GABRA6: variants seen among roughly 807,000 people sequenced by gnomAD.
GABRA6 encodes gamma-aminobutyric acid receptor subunit alpha-6.
A neutral mutation model predicts 47.3 loss-of-function variants in GABRA6; 45 were observed. That is an observed-to-expected ratio of 0.95 (90% CI 0.75 to 1.22). The LOEUF is 1.22. Ranked by LOEUF, GABRA6 falls within the 50% of genes most tolerant of loss-of-function variation. The pLI is 0.00. For synonymous variants in GABRA6, 219 were observed against 194.7 expected, an observed-to-expected ratio of 1.12 and a Z score of -1.04; for missense variants, 583 against 549.3, an observed-to-expected ratio of 1.06 and a Z score of -0.61.
chr5:161,700,840 AG>A (rs1561727893), intron 8 of GABRA6, among the ~76,000 whole-genome samples: 1 of 152,226 alleles, frequency 6.6e-6, no homozygotes, highest in African/African-American at 2.4e-5. Flanking sequence ...TGTACAATAT[AG>A]AAATTCTGAG....
intron 8 of GABRA6, among the ~76,000 whole-genome samples, chr5:161,699,001 T>C (rs947648595): frequency 6.6e-6 from 1 of 152,218 alleles, no homozygotes; most frequent in African/African-American, 2.4e-5. Context: ...TCATTCAGTC[T>C]TTTGTGACAT....
At chr5:161,686,157 G>A in intron 1 of GABRA6, 73 bp from the exon 2 acceptor site, 2 of 1,386,372 alleles carry the variant, frequency 1.4e-6, no homozygotes, top group South Asian at 1.2e-5. Context: ...TTGTAACAGG[G>A]TGGAATAGAG....
chr5:161,700,858 G>T (rs1754966681), intron 8 of GABRA6, among the ~76,000 whole-genome samples: 1 of 152,192 alleles, frequency 6.6e-6, no homozygotes, highest in African/African-American at 2.4e-5. Flanking sequence ...TGAGCTAAGA[G>T]GCAGCTATAT....
intron 3 of GABRA6, chr5:161,687,601 A>C: frequency 2.2e-6 from 1 of 451,086 alleles, no homozygotes; most frequent in Non-Finnish European, 4.4e-6. Flanking sequence ...TTTTAGAACA[A>C]AGTGTATCAT....
chr5:161,685,921 C>A lies in GABRA6; in HGVS notation c.-69C>A. On this transcript the variant is annotated 5_prime_UTR_variant, in exon 1 of 9. Coordinates refer to ENST00000274545, the MANE Select transcript of GABRA6 (RefSeq NM_000811.3). Reference sequence around the variant, plus strand: ...TTGAAAGATTTCTCCAGTTGATTGGCAGAGAAGAGCTGGCTAGCAGGGAGG... The same window carrying A: ...TTGAAAGATTTCTCCAGTTGATTGGAAGAGAAGAGCTGGCTAGCAGGGAGG... 1 of 1,227,698 alleles carries A rather than the reference C, an allele frequency of 8.1e-7. No homozygotes were observed. The highest frequency in any genetic ancestry group is 1.2e-6 in the Non-Finnish European group (1 of 826,002). 76.1% of individuals were successfully genotyped at this position (1,227,698 alleles called of 1,614,324 possible).
At chr5:161,695,241 TC>T (rs1313144145) in intron 8 of GABRA6, among the ~76,000 whole-genome samples, 1 of 152,168 alleles carries the variant, frequency 6.6e-6, no homozygotes. Context: ...ATGGAGAAAC[TC>T]AAGCATTTAA....
rs1754684364 is a variant in GABRA6 at position 161,685,984 on chromosome 5, T to C, written c.-6T>C. On this transcript the variant is annotated 5_prime_UTR_variant, in exon 1 of 9. Coordinates refer to ENST00000274545, the MANE Select transcript of GABRA6 (RefSeq NM_000811.3). ...GGGTGAATTCTGCATTTCAGTGCACTGCAGGATGGCGTCGTCTCTGCCCTG... is the reference window on the plus strand; with the variant it reads ...GGGTGAATTCTGCATTTCAGTGCACCGCAGGATGGCGTCGTCTCTGCCCTG... 4 of 1,613,306 alleles carry C rather than the reference T, an allele frequency of 2.5e-6. No individual in the cohort carries two copies. Among genetic ancestry groups the C allele is most frequent in the Non-Finnish European group, 3.4e-6 (4 of 1,179,314 alleles).
rs942531190 is a variant in GABRA6 at position 161,697,904 on chromosome 5, G to A, written c.1087-3594G>A. 6.6e-5 allele frequency among the ~76,000 whole-genome samples: 10 copies of A among 152,152 alleles called. 1 individual carries two copies. The highest frequency in any genetic ancestry group is 1.9e-4 in the African/African-American group (8 of 41,430). On this transcript the variant is annotated intron_variant, in intron 8 of 8. Coordinates refer to ENST00000274545, the MANE Select transcript of GABRA6 (RefSeq NM_000811.3). ...CTCATCTATCAAATGAAGATAATAT[G>A]ACATTGTGGATTTTTTGAAGAAATT...
chr5:161,693,988 T>C (rs1561726109), intron 8 of GABRA6, among the ~76,000 whole-genome samples: 1 of 152,168 alleles, frequency 6.6e-6, no homozygotes, highest in Non-Finnish European at 1.5e-5. Context: ...AATTCTTCCT[T>C]TGACTTAATA....
intron 6 of GABRA6, 36 bp from the exon 7 acceptor site, chr5:161,690,165 A>G: frequency 1.3e-6 from 2 of 1,596,486 alleles, no homozygotes; most frequent in Non-Finnish European, 1.7e-6. Context: ...GCAGACTGTC[A>G]GCAGTAATAA....
Position 161,702,487 on chromosome 5 carries a change from G to GA in GABRA6, c.*720dup, listed in dbSNP as rs1437311317. On this transcript the variant is annotated 3_prime_UTR_variant, in exon 9 of 9. Transcript: ENST00000274545. ...CTTACCATAATTCTATGAGGTTGTA[G>GA]AAAAAAGTACTCATTATAAGGAAGC... The GA allele has an allele frequency of 1.3e-5, 2 of 152,062 alleles. No individual in the cohort carries two copies. Among genetic ancestry groups the GA allele is most frequent in the Non-Finnish European group, 2.9e-5 (2 of 67,996 alleles). 9.4% of individuals were successfully genotyped at this position (152,062 alleles called of 1,614,324 possible).
intron 7 of GABRA6, among the ~76,000 whole-genome samples, chr5:161,690,852 A>C (rs1383563022): frequency 6.6e-6 from 1 of 152,160 alleles, no homozygotes; most frequent in East Asian, 1.9e-4. Context: ...AATAAGAAAA[A>C]GAGCTTCAAC....
intron 8 of GABRA6, among the ~76,000 whole-genome samples, chr5:161,693,482 T>A (rs930860893): frequency 2.0e-5 from 3 of 152,108 alleles, no homozygotes; most frequent in Admixed American, 1.3e-4. Context: ...AAAATATTAG[T>A]TTCTAGTTGG....
In GABRA6 at chr5:161,690,236, C is replaced by A; in HGVS notation, c.709C>A (p.Gln237Lys). 6.2e-7 allele frequency: 1 copy of A among 1,613,642 alleles called. No homozygotes were observed. The highest frequency in any genetic ancestry group is 8.5e-7 in the Non-Finnish European group (1 of 1,179,640). Residue 237 changes from glutamine (Q) to lysine (K), a missense_variant, in exon 7 of 9, where the codon CAA becomes AAA. Transcript: ENST00000274545. ...TATAATGACAGTTTACTTCCACTTGCAAAGGAAGATGGGCTACTTCATGAT... is the reference window on the plus strand; with the variant it reads ...TATAATGACAGTTTACTTCCACTTGAAAAGGAAGATGGGCTACTTCATGAT... The part of the protein sequence containing the change: ...YVIMTVYFHL[Q>K]RKMGYFMIQI...
chr5:161,691,245 G>A (rs1754781904), intron 7 of GABRA6, among the ~76,000 whole-genome samples: 1 of 148,040 alleles, frequency 6.8e-6, no homozygotes, highest in East Asian at 2.0e-4. Flanking sequence ...TATGTTAGCT[G>A]GTAAAATTGG....
At chr5:161,689,899 G>A (rs1482010674) in intron 6 of GABRA6, 120 bp downstream of exon 6, 1 of 1,008,620 alleles carries the variant, frequency 9.9e-7, no homozygotes, top group African/African-American at 1.6e-5. Flanking sequence ...CTGTTTTGCA[G>A]TGATGAGTAG....
At position 161,686,357 on chromosome 5, in the gene GABRA6, C is replaced by T; in HGVS notation, c.157+9C>T. On this transcript the variant is annotated intron_variant, in intron 2 of 8. Coordinates refer to ENST00000274545, the MANE Select transcript of GABRA6 (RefSeq NM_000811.3). ...GCGGCCGGGATTTGGAGGTAAGAAG[C>T]TGCATCTTTGCTACACAAACACCTG... 6.3e-7 allele frequency: 1 copy of T among 1,594,222 alleles called. No homozygotes were observed. The highest frequency in any genetic ancestry group is 8.6e-7 in the Non-Finnish European group (1 of 1,161,968).
At chr5:161,699,858 A>T (rs1754948376) in intron 8 of GABRA6, among the ~76,000 whole-genome samples, 1 of 152,118 alleles carries the variant, frequency 6.6e-6, no homozygotes, top group Non-Finnish European at 1.5e-5. Context: ...AAGACCTATG[A>T]CTAATTTAAT....
chr5:161,688,118 T>C (rs116765010), intron 3 of GABRA6, among the ~76,000 whole-genome samples: 139 of 152,314 alleles, frequency 9.1e-4, no homozygotes, highest in Non-Finnish European at 1.6e-3. Flanking sequence ...ATTTGTGCAA[T>C]AGGTCCCTAT....
Sources: gnomAD v4.1 joint callset for allele counts (sites outside exome capture counted in the v4.1 genomes callset) on GRCh38, gnomAD v4.1.1 for gene constraint, MANE v1.5 for transcripts, NCBI Gene and HGNC (gene_info 2026-07-23, HGNC 2026-07-21) for gene names.